The following NBPF3 variants were observed in gnomAD, a reference collection of about 807,000 sequenced individuals.
NBPF3 encodes the protein NBPF member 3.
In NBPF3, 57 loss-of-function variants were observed where a neutral mutation model predicts 78.1. The observed-to-expected ratio is 0.73, with a 90% CI of 0.59 to 0.91. The LOEUF (loss-of-function observed/expected upper bound fraction) is 0.91. Ranked by LOEUF, NBPF3 falls within the 40% of genes least tolerant of loss-of-function variation. The pLI is 0.00. For missense variants in NBPF3, 510 were observed against 715.3 expected (o/e 0.71, Z 3.27); for synonymous variants, 182 against 271.7 (o/e 0.67, Z 3.25).
At position 21,470,711 on chromosome 1, in the gene NBPF3, G is replaced by C. The variant is rs72872292; in HGVS notation, c.423G>C (p.Glu141Asp). ...TCACAGAAGAGAAGCTTGCAGAGGAGCTCGGGCAAGCTGAGGAGCTCAGGT... is the reference window on the plus strand; with the variant it reads ...TCACAGAAGAGAAGCTTGCAGAGGACCTCGGGCAAGCTGAGGAGCTCAGGT... ...RLLTEEKLAE[E>D]LGQAEELRQY... Residue 141 changes from glutamate to aspartate, a missense_variant, in exon 4 of 15, where the codon GAG (glutamate) becomes GAC (aspartate). Glu to Asp is a conservative substitution (Grantham distance 45). Transcript: ENST00000318249. 0.047 allele frequency: 75,435 copies of C among 1,598,400 alleles called. 2,057 individuals carry two copies. Among genetic ancestry groups the C allele is most frequent in the African/African-American group, 0.097 (7,265 of 74,620 alleles).
chr1:21,445,371 T>G, intron 2 of NBPF3, 152 bp downstream of exon 2: 1 of 956,800 alleles, frequency 1.0e-6, no homozygotes, highest in Non-Finnish European at 1.5e-6. Context: ...GTTAAATGAA[T>G]GAACAAATAT....
At chr1:21,452,747 G>T (rs1414946457) in intron 2 of NBPF3, among the ~76,000 whole-genome samples, 1 of 152,236 alleles carries the variant, frequency 6.6e-6, no homozygotes, top group Non-Finnish European at 1.5e-5. Context: ...GTGGTCTCTT[G>T]TTCCCTGAGA....
At chr1:21,454,817 A>G (rs1361310710) in intron 2 of NBPF3, among the ~76,000 whole-genome samples, 4 of 152,216 alleles carry the variant, frequency 2.6e-5, no homozygotes, top group Non-Finnish European at 5.9e-5. Context: ...TACTGCAAGC[A>G]TTAGCGGCGT....
intron 10 of NBPF3, among the ~76,000 whole-genome samples, 158 bp downstream of exon 10, chr1:21,479,558 T>C (rs1283119091): frequency 6.6e-6 from 1 of 152,204 alleles, no homozygotes; most frequent in Non-Finnish European, 1.5e-5. Context: ...ACAGTAAATG[T>C]TTAGGTTTCC....
intron 2 of NBPF3, among the ~76,000 whole-genome samples, chr1:21,451,495 T>C (rs1641308721): frequency 6.6e-6 from 1 of 152,242 alleles, no homozygotes; most frequent in African/African-American, 2.4e-5. Context: ...TCTATATACA[T>C]GTAATTTTTT....
chr1:21,457,378 G>A (rs938969139), intron 2 of NBPF3, among the ~76,000 whole-genome samples: 1 of 135,592 alleles, frequency 7.4e-6, no homozygotes, highest in African/African-American at 2.6e-5. Flanking sequence ...GTATATATAT[G>A]TATGTATATA....
upstream of NBPF3, among the ~76,000 whole-genome samples, chr1:21,437,850 A>G (rs1640456092): frequency 1.4e-5 from 2 of 141,300 alleles, no homozygotes; most frequent in Non-Finnish European, 3.0e-5. Context: ...TTTGAGACGG[A>G]GTTTCACTCT....
intron 2 of NBPF3, among the ~76,000 whole-genome samples, chr1:21,462,054 A>G (rs1228027392): frequency 1.3e-5 from 2 of 152,026 alleles, no homozygotes; most frequent in South Asian, 2.1e-4. Context: ...CTCTCTCGCC[A>G]TATGATCTCT....
intron 8 of NBPF3, among the ~76,000 whole-genome samples, chr1:21,475,940 A>G (rs34990786): frequency 0.57 from 69,365 of 122,168 alleles, 17,728 homozygotes; most frequent in Middle Eastern, 0.68. Context: ...GACTTGCTTT[A>G]TGAATCTGGG....
chr1:21,442,650 A>G lies in NBPF3; in HGVS notation c.-139-2298A>G, dbSNP rs10916991. ...ATTTTTCTGTGTTAACCTTATAACA[A>G]TTTTATTTCAGTTTTTGCATTTTTT... On this transcript the variant is annotated intron_variant, in intron 1 of 14. Transcript: ENST00000318249. 2.1e-3 allele frequency among the ~76,000 whole-genome samples: 316 copies of G among 150,768 alleles called. 1 individual carries two copies. The highest frequency in any genetic ancestry group is 7.4e-3 in the African/African-American group (304 of 41,014).
upstream of NBPF3, chr1:21,437,384 C>A: frequency 1.2e-6 from 1 of 809,914 alleles, no homozygotes; most frequent in Non-Finnish European, 1.9e-6. Context: ...GGTGAGAGCA[C>A]ATTGGGGAGT....
intron 1 of NBPF3, among the ~76,000 whole-genome samples, chr1:21,441,820 G>A (rs1640671513): frequency 6.6e-6 from 1 of 151,968 alleles, no homozygotes; most frequent in African/African-American, 2.4e-5. Context: ...TGGTTTTAGA[G>A]GTATATGAAT....
chr1:21,449,715 C>A (rs1641194013), intron 2 of NBPF3: 1 of 152,790 alleles, frequency 6.5e-6, no homozygotes, highest in Non-Finnish European at 1.5e-5. Flanking sequence ...AAGTGATCCA[C>A]CTGCCTTAGC....
rs1476782565 is a variant in NBPF3 at position 21,471,744 on chromosome 1, T to G, written c.622T>G (p.Cys208Gly). The change falls in exon 5 of 15, where the codon TGT becomes GGT. Residue 208 changes from cysteine (C) to glycine (G), a missense_variant. Transcript: ENST00000318249. Reference sequence around the variant, plus strand: ...CCTCCGAGAACAGCTGGCTGAGGGATGTAGGCTGGCACAGCACCTCGTCCA... The same window carrying G: ...CCTCCGAGAACAGCTGGCTGAGGGAGGTAGGCTGGCACAGCACCTCGTCCA... Reference protein sequence around the residue: ...RDLREQLAEGCRLAQHLVQKL... With the variant: ...RDLREQLAEGGRLAQHLVQKL... The G allele has an allele frequency of 2.5e-6, 4 of 1,609,860 alleles. No homozygotes were observed. The South Asian group carries it at 4.4e-5, about 18-fold the overall frequency.
At chr1:21,447,363 G>A (rs371405078) in intron 2 of NBPF3, among the ~76,000 whole-genome samples, 8 of 152,154 alleles carry the variant, frequency 5.3e-5, no homozygotes, top group East Asian at 3.8e-4. Context: ...CCAATACAGC[G>A]TCATGCGAAA....
chr1:21,453,657 C>T (rs1641436724), intron 2 of NBPF3: 1 of 152,194 alleles, frequency 6.6e-6, no homozygotes, highest in Non-Finnish European at 1.5e-5. Context: ...TCATTCGAAT[C>T]ATTGTGAGGT....
At chr1:21,445,505 C>T (rs1640916028) in intron 2 of NBPF3, among the ~76,000 whole-genome samples, 1 of 151,888 alleles carries the variant, frequency 6.6e-6, no homozygotes, top group Non-Finnish European at 1.5e-5. Flanking sequence ...CCTCTCCCCG[C>T]TCTTCCCCTC....
chr1:21,466,099 GGA>G (rs1642246761), intron 2 of NBPF3: 1 of 985,452 alleles, frequency 1.0e-6, no homozygotes, highest in Non-Finnish European at 1.2e-6. Context: ...AGCCTTGGGA[GGA>G]GCCCGAATCA....
At chr1:21,464,362 C>T (rs1484145356) in intron 2 of NBPF3, among the ~76,000 whole-genome samples, 1 of 151,912 alleles carries the variant, frequency 6.6e-6, no homozygotes, top group African/African-American at 2.4e-5. Context: ...ATAGAAAATA[C>T]CACACTTTGT....
Sources: allele counts gnomAD v4.1 joint callset (sites outside exome capture counted in the v4.1 genomes callset), GRCh38; gene constraint gnomAD v4.1.1; transcripts MANE v1.5; gene names NCBI Gene and HGNC (gene_info 2026-07-23, HGNC 2026-07-21).